Variants in SHANK2 observed in about 807,000 individuals in gnomAD.
SHANK2 encodes the protein SH3 and multiple ankyrin repeat domains 2, also known as SH3 and multiple ankyrin repeat domains protein 2.
Under a neutral mutation model 133.7 loss-of-function variants are expected in SHANK2, and 43 were observed. The observed-to-expected ratio is 0.32, with a 90% CI of 0.25 to 0.41. SHANK2 has a LOEUF of 0.41. SHANK2 is among the 10% of genes least tolerant of loss of function. The pLI, the probability that SHANK2 is intolerant of heterozygous loss-of-function variation, is 1.00. For synonymous variants in SHANK2, 1,017 were observed against 952.8 expected (o/e 1.07, Z -1.24); for missense variants, 1,994 against 2,235.8 (o/e 0.89, Z 2.18).
chr11:70,701,291 A>T (rs1945513547), intron 14 of SHANK2, among the ~76,000 whole-genome samples: 1 of 152,212 alleles, frequency 6.6e-6, no homozygotes, highest in African/African-American at 2.4e-5. Context: ...ACTTTAAACA[A>T]AGAGAAAAAG....
chr11:70,720,219 T>G (rs1946046200), intron 14 of SHANK2, among the ~76,000 whole-genome samples: 1 of 152,188 alleles, frequency 6.6e-6, no homozygotes, highest in South Asian at 2.1e-4. Context: ...ACACACGTGC[T>G]TATAAACTGT....
At chr11:70,511,750 C>T (rs896102092) in intron 17 of SHANK2, among the ~76,000 whole-genome samples, 4 of 152,228 alleles carry the variant, frequency 2.6e-5, no homozygotes, top group Non-Finnish European at 5.9e-5. Flanking sequence ...TGAATCACAG[C>T]CACATCCAGG....
chr11:70,574,219 A>G (rs2060087183), intron 17 of SHANK2, among the ~76,000 whole-genome samples: 1 of 152,224 alleles, frequency 6.6e-6, no homozygotes, highest in Non-Finnish European at 1.5e-5. Flanking sequence ...AGATGGGCCG[A>G]CACAGACTGC....
At chr11:70,699,598 C>T (rs985646574) in intron 14 of SHANK2, among the ~76,000 whole-genome samples, 2 of 152,202 alleles carry the variant, frequency 1.3e-5, no homozygotes, top group African/African-American at 4.8e-5. Context: ...TGTTGTTAGC[C>T]TCCTCCATCC....
chr11:71,098,960 T>G (rs1228832188), intron 6 of SHANK2, among the ~76,000 whole-genome samples: 2 of 151,716 alleles, frequency 1.3e-5, no homozygotes, highest in Non-Finnish European at 2.9e-5. Context: ...AGCCAGGAGA[T>G]GGGGGGGCAG....
At chr11:71,139,072 G>A (rs371957886) in intron 3 of SHANK2, among the ~76,000 whole-genome samples, 1 of 152,100 alleles carries the variant, frequency 6.6e-6, no homozygotes, top group African/African-American at 2.4e-5. Context: ...CCTAAATGAA[G>A]TACCCCACTG....
At chr11:71,183,996 G>C (rs118048631) in intron 2 of SHANK2, among the ~76,000 whole-genome samples, 5 of 152,126 alleles carry the variant, frequency 3.3e-5, no homozygotes, top group African/African-American at 1.2e-4. Flanking sequence ...CATTTCACAC[G>C]GGCCAAGAAG....
chr11:70,866,680 T>G (rs1949363772), intron 11 of SHANK2, among the ~76,000 whole-genome samples: 1 of 152,150 alleles, frequency 6.6e-6, no homozygotes, highest in South Asian at 2.1e-4. Flanking sequence ...TTCTTATCAG[T>G]TCACGCAGGG....
At chr11:70,784,343 GTTTTTTTTTTTTT>G (rs71049942) in intron 14 of SHANK2, among the ~76,000 whole-genome samples, 2,130 of 42,946 alleles carry the variant, frequency 0.05, 132 homozygotes, top group African/African-American at 0.16. Context: ...ACACCGGCTA[GTTTTTTTTTTTTT>G]TTTTTTTTTT....
intron 17 of SHANK2, among the ~76,000 whole-genome samples, chr11:70,605,674 C>T (rs945504809): frequency 5.9e-5 from 9 of 152,150 alleles, no homozygotes; most frequent in East Asian, 3.9e-4. Context: ...CGGAGGGGGA[C>T]GAGGAACGCA....
intron 11 of SHANK2, among the ~76,000 whole-genome samples, chr11:70,843,490 A>G (rs9326493): frequency 0.85 from 128,737 of 151,882 alleles, 55,055 homozygotes; most frequent in African/African-American, 0.96. Context: ...AGTCCTTCAC[A>G]GTGGTTAAGT....
intron 5 of SHANK2, 24 bp from the exon 6 acceptor site, chr11:71,110,073 G>C (rs1047645669): frequency 6.8e-7 from 1 of 1,471,030 alleles, no homozygotes; most frequent in South Asian, 1.2e-5. Flanking sequence ...CAATACAATT[G>C]AAACATCTTT....
At chr11:70,749,030 A>G (rs1309749537) in intron 14 of SHANK2, among the ~76,000 whole-genome samples, 1 of 152,246 alleles carries the variant, frequency 6.6e-6, no homozygotes, top group African/African-American at 2.4e-5. Context: ...GGTTCTGAAG[A>G]GTAAATAAGA....
rs371413343 is a variant in SHANK2 at position 71,162,172 on chromosome 11, C to T, written c.-12-14834G>A. Among the ~76,000 whole-genome samples the T allele has an allele frequency of 4.7e-4, 71 of 152,314 alleles. 2 individuals are homozygous for T. In the East Asian group the frequency reaches 0.011, roughly 23 times the overall value. On this transcript the variant is annotated intron_variant, in intron 2 of 25. Transcript: ENST00000601538. The stretch of plus-strand genomic sequence containing the variant: ...TGTTGCTATAACAAGATACCATAGG[C>T]TGGGTTATTTATAAAGAAAAGAAGT...
intron 14 of SHANK2, among the ~76,000 whole-genome samples, chr11:70,710,681 T>C (rs1555025910): frequency 6.6e-6 from 1 of 152,142 alleles, no homozygotes; most frequent in African/African-American, 2.4e-5. Context: ...GCCAGTCCCA[T>C]AGACTCAGGG....
chr11:70,487,131 C>T lies in SHANK2; in HGVS notation c.3162G>A (p.Glu1054=). ...SGKSSQGSSM[E]IDPQAPEPPS... ...GTGGCTCCGGGGCCTGGGGGTCGAT[C>T]TCCATGCTGCTGCCCTGGCTGCTCT... is the stretch of plus-strand genomic sequence containing the variant. The change falls in exon 25 of 26, where the codon GAG becomes GAA. Residue 1054 remains glutamate, a synonymous_variant. Transcript: ENST00000601538. The surrounding 1 kb of genome is among the most constrained non-coding windows in gnomAD (Gnocchi z 5.8). The T allele has an allele frequency of 6.2e-7, 1 of 1,612,464 alleles. No homozygotes were observed.
chr11:70,914,897 TAA>T (rs879975114), intron 10 of SHANK2, among the ~76,000 whole-genome samples: 6 of 120,224 alleles, frequency 5.0e-5, no homozygotes, highest in Admixed American at 1.8e-4. Flanking sequence ...GACTCTGTCT[TAA>T]AAAAAAAAAA....
intron 11 of SHANK2, among the ~76,000 whole-genome samples, chr11:70,873,765 T>C (rs1441834307): frequency 5.3e-5 from 8 of 151,890 alleles, no homozygotes; most frequent in Non-Finnish European, 7.4e-5. Context: ...TGCCAGTTCA[T>C]GAACAACTTT....
intron 3 of SHANK2, among the ~76,000 whole-genome samples, chr11:71,139,674 C>A (rs11232235): frequency 0.25 from 38,484 of 152,134 alleles, 6,063 homozygotes; most frequent in East Asian, 0.43. Context: ...TGTCCAGAGC[C>A]AGCACTCCAC....
Sources: allele counts gnomAD v4.1 joint callset (sites outside exome capture counted in the v4.1 genomes callset), GRCh38; gene constraint gnomAD v4.1.1; non-coding constraint Gnocchi (gnomAD v3.1); transcripts MANE v1.5; gene names NCBI Gene and HGNC (gene_info 2026-07-23, HGNC 2026-07-21).